Variants in EPS15L1 observed in about 807,000 individuals in gnomAD.
EPS15L1 encodes the protein epidermal growth factor receptor substrate 15-like 1.
Under a neutral mutation model 117.1 loss-of-function variants are expected in EPS15L1, and 43 were observed. The ratio of observed to expected loss-of-function variants is 0.37; its 90% CI spans 0.29 to 0.47. EPS15L1 has a LOEUF of 0.47. EPS15L1 is among the 20% of genes least tolerant of loss of function. The pLI, the probability that EPS15L1 is intolerant of heterozygous loss-of-function variation, is 0.99. For synonymous variants in EPS15L1, 459 were observed against 470.5 expected (o/e 0.98, Z 0.32); for missense variants, 981 against 1,164.0 (o/e 0.84, Z 2.29).
At chr19:16,450,032 G>C (rs1432001500) in intron 1 of EPS15L1, among the ~76,000 whole-genome samples, 1 of 151,786 alleles carries the variant, frequency 6.6e-6, no homozygotes, top group Non-Finnish European at 1.5e-5. Context: ...GCTATAAAAG[G>C]GCAACAGGAG....
At position 16,355,599 on chromosome 19, in the gene EPS15L1, T is replaced by C. The variant is rs530327413; in HGVS notation, c.*106A>G. On this transcript the variant is annotated 3_prime_UTR_variant, in exon 24 of 24. Coordinates refer to ENST00000455140, the MANE Select transcript of EPS15L1 (RefSeq NM_001258374.3). The stretch of plus-strand genomic sequence containing the variant: ...CCCTGAACAAGCCCCCGAGTCCCGG[T>C]CCTTGGAGTACGGTGGCGACGGTGT... 6 of 1,369,604 alleles carry C rather than the reference T, an allele frequency of 4.4e-6. No individual in the cohort carries two copies. Among genetic ancestry groups the C allele is most frequent in the South Asian group, 2.8e-5 (2 of 70,326 alleles). The allele number at this position is 1,369,604 out of a possible 1,614,324, so 84.8% of individuals were successfully genotyped here.
intron 4 of EPS15L1, 45 bp downstream of exon 4, chr19:16,440,817 G>T (rs769119140): frequency 1.3e-6 from 2 of 1,591,624 alleles, no homozygotes; most frequent in Admixed American, 1.7e-5. Context: ...CAGCCTGGGG[G>T]CTCTGCCCAG....
In EPS15L1 at chr19:16,402,468, G is replaced by A. The variant is rs1054640715; in HGVS notation, c.1644C>T (p.Ser548=). ...DEINQARSKL[S]QLHESRQEAH... ...CCTCCTGGCGGCTTTCATGCAGCTG[G>A]GAAAGTTTGCTCCTTGCCTGTGCAA... Residue 548 remains serine (S), a synonymous_variant, in exon 16 of 24, where the codon TCC becomes TCT. Coordinates refer to ENST00000455140, the MANE Select transcript of EPS15L1 (RefSeq NM_001258374.3). 6.2e-7 allele frequency: 1 copy of A among 1,607,314 alleles called. No individual in the cohort carries two copies. Among genetic ancestry groups the A allele is most frequent in the Non-Finnish European group, 8.5e-7 (1 of 1,176,884 alleles).
chr19:16,400,705 G>GT, intron 16 of EPS15L1: 1 of 985,394 alleles, frequency 1.0e-6, no homozygotes, highest in East Asian at 1.1e-4. Flanking sequence ...AAGTTTCCAT[G>GT]TAACGTATCT....
At chr19:16,369,519 G>C (rs1052735127) in intron 22 of EPS15L1, among the ~76,000 whole-genome samples, 1 of 152,188 alleles carries the variant, frequency 6.6e-6, no homozygotes, top group Non-Finnish European at 1.5e-5. Flanking sequence ...ATTAAAAGAA[G>C]AAAGTGGGGA....
chr19:16,360,031 T>A (rs1013077148), intron 23 of EPS15L1, among the ~76,000 whole-genome samples: 3 of 151,396 alleles, frequency 2.0e-5, no homozygotes, highest in Non-Finnish European at 4.4e-5. Flanking sequence ...CTACCAGAAA[T>A]GCTAAGCCAA....
At chr19:16,432,048 G>A (rs1361118842) in intron 7 of EPS15L1, among the ~76,000 whole-genome samples, 1 of 152,142 alleles carries the variant, frequency 6.6e-6, no homozygotes, top group Non-Finnish European at 1.5e-5. Context: ...CGTACATTTC[G>A]GTGTATGATA....
intron 15 of EPS15L1, 103 bp downstream of exon 15, chr19:16,403,630 G>C: frequency 1.8e-6 from 2 of 1,117,952 alleles, no homozygotes; most frequent in Admixed American, 3.7e-5. Flanking sequence ...AGACCCTCAC[G>C]TAAGTAACAA....
intron 4 of EPS15L1, among the ~76,000 whole-genome samples, chr19:16,440,162 G>A (rs1391424335): frequency 6.6e-6 from 1 of 152,034 alleles, no homozygotes; most frequent in Non-Finnish European, 1.5e-5. Flanking sequence ...GCTGGGCGTG[G>A]TGGCTCATGC....
intron 21 of EPS15L1, among the ~76,000 whole-genome samples, chr19:16,384,708 A>C (rs2144737829): frequency 6.6e-6 from 1 of 151,894 alleles, no homozygotes; most frequent in East Asian, 1.9e-4. Flanking sequence ...ACTTTTCAAC[A>C]CCCCTTGAGA....
At chr19:16,423,495 A>C (rs1489513520) in intron 9 of EPS15L1, among the ~76,000 whole-genome samples, 2 of 152,052 alleles carry the variant, frequency 1.3e-5, no homozygotes, top group Admixed American at 6.5e-5. Flanking sequence ...ACTTGAGCCC[A>C]GGAGGTTGAG....
At chr19:16,417,850 ACCC>A (rs2092773911) in intron 11 of EPS15L1, 95 bp downstream of exon 11, 1 of 1,486,774 alleles carries the variant, frequency 6.7e-7, no homozygotes, top group African/African-American at 1.4e-5. Flanking sequence ...CACAGGCAGC[ACCC>A]GCCACCGTGG....
chr19:16,448,618 CG>C (rs2093109905), intron 1 of EPS15L1, among the ~76,000 whole-genome samples: 1 of 149,886 alleles, frequency 6.7e-6, no homozygotes, highest in African/African-American at 2.5e-5. Flanking sequence ...CCAAGGTAGG[CG>C]GATCACCTGG....
At chr19:16,378,361 C>T (rs2092322130) in intron 21 of EPS15L1, among the ~76,000 whole-genome samples, 1 of 152,102 alleles carries the variant, frequency 6.6e-6, no homozygotes. Context: ...CCACTGACCC[C>T]CCAGCCGCTG....
intron 16 of EPS15L1, chr19:16,401,329 A>G (rs2144821647): frequency 1.0e-6 from 1 of 984,908 alleles, no homozygotes. Flanking sequence ...AAAGAAACAC[A>G]TCAAGCATTG....
chr19:16,363,737 C>T (rs1055295614), intron 22 of EPS15L1, among the ~76,000 whole-genome samples: 4 of 152,222 alleles, frequency 2.6e-5, no homozygotes, highest in South Asian at 2.1e-4. Context: ...CCTGCACCGC[C>T]GTGCCCAGCA....
chr19:16,386,113 G>C, intron 20 of EPS15L1, 58 bp downstream of exon 20: 1 of 1,324,512 alleles, frequency 7.5e-7, no homozygotes, highest in South Asian at 1.2e-5. Flanking sequence ...TTAACTGCGG[G>C]GGAGCTCTGC....
intron 7 of EPS15L1, among the ~76,000 whole-genome samples, chr19:16,430,694 C>T (rs1228885480): frequency 4.6e-5 from 7 of 152,230 alleles, no homozygotes; most frequent in Admixed American, 2.6e-4. Flanking sequence ...CTGAAAAATG[C>T]TTACTGAATG....
chr19:16,439,292 T>A (rs1396270400), intron 4 of EPS15L1, among the ~76,000 whole-genome samples: 1 of 151,648 alleles, frequency 6.6e-6, no homozygotes, highest in Non-Finnish European at 1.5e-5. Context: ...AAGAGAAAAA[T>A]TAATAAATAG....
Sources: allele counts gnomAD v4.1 joint callset (sites outside exome capture counted in the v4.1 genomes callset), GRCh38; gene constraint gnomAD v4.1.1; transcripts MANE v1.5; gene names NCBI Gene and HGNC (gene_info 2026-07-23, HGNC 2026-07-21).